STK38: variants seen among roughly 807,000 people sequenced by gnomAD.
The protein encoded by STK38 is serine/threonine-protein kinase 38.
Under a neutral mutation model 59.0 loss-of-function variants are expected in STK38, and 26 were observed. The observed-to-expected ratio is 0.44, with a 90% confidence interval of 0.32 to 0.61. The LOEUF is 0.61. Ranked by LOEUF, STK38 falls within the 20% of genes least tolerant of loss-of-function variation. The probability of loss-of-function intolerance (pLI) is 0.04; values close to 1 mark genes in which losing one functional copy is unlikely to be tolerated. For missense variants in STK38, 433 were observed against 566.0 expected (o/e 0.76, Z 2.38); for synonymous variants, 175 against 176.6 (o/e 0.99, Z 0.07).
intron 12 of STK38, 127 bp from the exon 13 acceptor site, chr6:36,496,932 T>C: frequency 1.6e-6 from 1 of 626,004 alleles, no homozygotes; most frequent in Non-Finnish European, 2.6e-6. Flanking sequence ...GCAGCATTTA[T>C]TTTCTCTGAA....
At chr6:36,529,077 A>G (rs1360299867) in intron 2 of STK38, among the ~76,000 whole-genome samples, 4 of 152,216 alleles carry the variant, frequency 2.6e-5, no homozygotes, top group East Asian at 1.9e-4. Context: ...AGGACACCAA[A>G]AACAGCAAGG....
intron 13 of STK38, 128 bp from the exon 14 acceptor site, chr6:36,496,042 AATT>A: frequency 1.0e-6 from 1 of 972,108 alleles, no homozygotes; most frequent in Non-Finnish European, 1.5e-6. Flanking sequence ...TCACTCTATG[AATT>A]TTTTTTTTTT....
intron 2 of STK38, among the ~76,000 whole-genome samples, chr6:36,527,208 AT>A (rs1257086925): frequency 0.038 from 3,206 of 84,676 alleles, 86 homozygotes; most frequent in Non-Finnish European, 0.054. Flanking sequence ...AAAAAAAAAA[AT>A]ATATGTATAT....
In STK38 at chr6:36,515,506, G is replaced by T; in HGVS notation, c.515-14C>A. Reference sequence around the variant, plus strand: ...TCATCATGTCCCCTGGAAACAAGAAGATACAAAGCCACCACACACACACAC... The same window carrying T: ...TCATCATGTCCCCTGGAAACAAGAATATACAAAGCCACCACACACACACAC... On this transcript the variant is annotated splice_polypyrimidine_tract_variant and intron_variant, in intron 6 of 13. Coordinates refer to ENST00000229812, the MANE Select transcript of STK38 (RefSeq NM_007271.4). The T allele has an allele frequency of 6.2e-7, 1 of 1,600,734 alleles. No individual in the cohort carries two copies.
intron 7 of STK38, among the ~76,000 whole-genome samples, chr6:36,507,919 T>G (rs1304417440): frequency 2.0e-5 from 3 of 150,006 alleles, no homozygotes; most frequent in Non-Finnish European, 4.4e-5. Flanking sequence ...TGTTTCTATA[T>G]GGTATTCAGA....
In STK38 at chr6:36,547,275, AG is replaced by A. The variant is rs1166635873; in HGVS notation, c.-92del. ...GTAGTCTCGACTTGAAGGCTGGCGA[AG>A]CCCCGGCGGCGGCAGCCAACGAGCC... On this transcript the variant is annotated 5_prime_UTR_variant, in exon 1 of 14. Transcript: ENST00000229812. 3 of 152,842 alleles carry A rather than the reference AG, an allele frequency of 2.0e-5. No individual in the cohort carries two copies. Among genetic ancestry groups the A allele is most frequent in the African/African-American group, 7.2e-5 (3 of 41,468 alleles). 9.5% of individuals were successfully genotyped at this position (152,842 alleles called of 1,614,324 possible). A position where few individuals can be genotyped will look rare whatever the true frequency, so the allele number is the denominator to read the frequency against.
intron 10 of STK38, among the ~76,000 whole-genome samples, chr6:36,499,330 G>A (rs554593117): frequency 7.0e-4 from 106 of 152,184 alleles, no homozygotes; most frequent in African/African-American, 2.5e-3. Flanking sequence ...CACCTCCACA[G>A]GCATCGTTCC....
chr6:36,513,960 C>T (rs904240544), intron 7 of STK38, among the ~76,000 whole-genome samples: 1 of 149,728 alleles, frequency 6.7e-6, no homozygotes, highest in Non-Finnish European at 1.5e-5. Context: ...TCGAGACCAT[C>T]ATGGCTAACA....
chr6:36,540,732 T>C (rs1582468613), intron 1 of STK38, among the ~76,000 whole-genome samples: 1 of 152,134 alleles, frequency 6.6e-6, no homozygotes, highest in East Asian at 1.9e-4. Context: ...GTTCAATCGA[T>C]TCTCCCACCT....
chr6:36,544,695 C>G (rs1386132021), intron 1 of STK38, among the ~76,000 whole-genome samples: 2 of 151,988 alleles, frequency 1.3e-5, no homozygotes, highest in Non-Finnish European at 2.9e-5. Flanking sequence ...ATGGCAAAAC[C>G]CCCGTTGCTA....
At chr6:36,537,936 C>A (rs956662962) in intron 2 of STK38, among the ~76,000 whole-genome samples, 1 of 151,578 alleles carries the variant, frequency 6.6e-6, no homozygotes, top group African/African-American at 2.4e-5. Context: ...AGATGCCTTG[C>A]TCAAATGAGT....
chr6:36,524,320 A>C, intron 4 of STK38, 21 bp downstream of exon 4: 1 of 1,592,862 alleles, frequency 6.3e-7, no homozygotes, highest in Non-Finnish European at 8.5e-7. Context: ...TTTCTACTTG[A>C]CAAGTAGCTG....
chr6:36,521,590 GA>G, intron 5 of STK38, 143 bp downstream of exon 5: 4 of 431,620 alleles, frequency 9.3e-6, no homozygotes, highest in Non-Finnish European at 1.6e-5. Context: ...TTTGTAGGGG[GA>G]AAAAGGTAGT....
At chr6:36,536,756 G>A (rs557881009) in intron 2 of STK38, among the ~76,000 whole-genome samples, 3 of 151,678 alleles carry the variant, frequency 2.0e-5, no homozygotes, top group African/African-American at 4.8e-5. Context: ...GGCTGGTCTC[G>A]AACTCCTGAC....
chr6:36,512,992 A>T (rs752675045), intron 7 of STK38, among the ~76,000 whole-genome samples: 4 of 151,422 alleles, frequency 2.6e-5, no homozygotes, highest in Admixed American at 6.6e-5. Flanking sequence ...ACTGTCTGTA[A>T]TGTTCAAATT....
At position 36,494,025 on chromosome 6, in the gene STK38, C is replaced by T. The variant is rs1214272585; in HGVS notation, c.*1759G>A. On this transcript the variant is annotated 3_prime_UTR_variant, in exon 14 of 14. Coordinates refer to ENST00000229812, the MANE Select transcript of STK38 (RefSeq NM_007271.4). ...AGTTCCTTCTCTTTACCCAGGCTTA[C>T]CACACATTCTTGCAAAACACACAGG... 14 of 152,264 alleles carry T rather than the reference C, an allele frequency of 9.2e-5. No homozygotes were observed. The highest frequency in any genetic ancestry group is 3.4e-4 in the African/African-American group (14 of 41,438). 9.4% of individuals were successfully genotyped at this position (152,264 alleles called of 1,614,324 possible).
intron 2 of STK38, among the ~76,000 whole-genome samples, chr6:36,539,563 G>C (rs1171633474): frequency 6.6e-6 from 1 of 152,104 alleles, no homozygotes; most frequent in East Asian, 1.9e-4. Flanking sequence ...TGCAAGGCAA[G>C]TAGTATTATC....
chr6:36,495,865 G>T lies in STK38; in HGVS notation c.1317C>A (p.Val439=), dbSNP rs1236253227. ...PETDYKNKDW[V]FINYTYKRFE... is the part of the protein sequence containing the mutation. The stretch of plus-strand genomic sequence containing the variant: ...AGCGCTTGTACGTGTAATTGATGAA[G>T]ACCCAGTCTTTGTTCTTGTAGTCAG... The change falls in exon 14 of 14, where the codon GTC becomes GTA. Residue 439 remains valine (V), a synonymous_variant. Coordinates refer to ENST00000229812, the MANE Select transcript of STK38 (RefSeq NM_007271.4). 2 of 1,613,966 alleles carry T rather than the reference G, an allele frequency of 1.2e-6. No homozygotes were observed. The highest frequency in any genetic ancestry group is 3.3e-5 in the Admixed American group (2 of 60,016).
intron 7 of STK38, among the ~76,000 whole-genome samples, chr6:36,509,625 G>T (rs542547985): frequency 1.3e-5 from 2 of 151,466 alleles, no homozygotes; most frequent in South Asian, 4.2e-4. Flanking sequence ...GGGGTGGGGG[G>T]GTGATGACCA....
Sources: allele counts gnomAD v4.1 joint callset (sites outside exome capture counted in the v4.1 genomes callset), GRCh38; gene constraint gnomAD v4.1.1; transcripts MANE v1.5; gene names NCBI Gene and HGNC (gene_info 2026-07-23, HGNC 2026-07-21).